The following SGCZ variants were observed in gnomAD, a reference collection of about 807,000 sequenced individuals.
The protein encoded by SGCZ is sarcoglycan zeta, also known as zeta-sarcoglycan.
Under a neutral mutation model 41.3 loss-of-function variants are expected in SGCZ, and 40 were observed. The observed-to-expected ratio is 0.97, with a 90% CI of 0.75 to 1.26. The LOEUF is 1.26. Ranked by LOEUF, SGCZ falls within the 50% of genes most tolerant of loss-of-function variation. SGCZ has a pLI of 0.00. For synonymous variants in SGCZ, 206 were observed against 137.5 expected, an observed-to-expected ratio of 1.50 and a Z score of -3.49; for missense variants, 552 against 369.8, an observed-to-expected ratio of 1.49 and a Z score of -4.04.
At chr8:14,108,598 C>G (rs1207388076) in intron 5 of SGCZ, among the ~76,000 whole-genome samples, 4 of 151,964 alleles carry the variant, frequency 2.6e-5, no homozygotes, top group African/African-American at 7.3e-5. Context: ...ATGGGGGAAA[C>G]CACCTCCATG....
At chr8:15,183,188 C>A (rs268365) in intron 1 of SGCZ, among the ~76,000 whole-genome samples, 58,216 of 152,064 alleles carry the variant, frequency 0.38, 11,997 homozygotes, top group African/African-American at 0.52. Context: ...AGATTACACT[C>A]TAAAGTATGC....
intron 1 of SGCZ, among the ~76,000 whole-genome samples, chr8:15,165,233 G>C (rs982288187): frequency 6.6e-6 from 1 of 152,154 alleles, no homozygotes; most frequent in Non-Finnish European, 1.5e-5. Flanking sequence ...GTTGCAGTGA[G>C]CCGAGATCAC....
At chr8:14,200,280 G>A (rs1466298748) in intron 4 of SGCZ, among the ~76,000 whole-genome samples, 5 of 152,118 alleles carry the variant, frequency 3.3e-5, no homozygotes, top group African/African-American at 4.8e-5. Context: ...TAAGATAATC[G>A]ATTTTCCCTA....
intron 3 of SGCZ, among the ~76,000 whole-genome samples, chr8:14,312,322 G>T (rs1563250757): frequency 6.6e-6 from 1 of 151,772 alleles, no homozygotes; most frequent in African/African-American, 2.4e-5. Context: ...GAGTTTTGGG[G>T]AAAAAAAGTA....
At chr8:14,444,520 G>A (rs1800373026) in intron 2 of SGCZ, among the ~76,000 whole-genome samples, 1 of 152,036 alleles carries the variant, frequency 6.6e-6, no homozygotes, top group African/African-American at 2.4e-5. Flanking sequence ...TAGGAACATG[G>A]ATGAAATTGG....
intron 1 of SGCZ, among the ~76,000 whole-genome samples, chr8:14,706,550 C>T (rs1385502047): frequency 6.6e-6 from 1 of 152,028 alleles, no homozygotes; most frequent in Non-Finnish European, 1.5e-5. Context: ...TTGAATAGGA[C>T]ATTAGAGTTT....
chr8:14,493,359 C>CTTTTTTTTTTTT lies in SGCZ; in HGVS notation c.234+61361_234+61372dup, dbSNP rs57898016. On this transcript the variant is annotated intron_variant, in intron 2 of 7. Transcript: ENST00000382080. ...CATACTTTTCCCACTATCATCCTTTCTTTTTTTTTTTTTTTTTTTTTTTTT... is the reference window on the plus strand; with the variant it reads ...CATACTTTTCCCACTATCATCCTTTCTTTTTTTTTTTTTTTTTTTTTTTTTTTTTTTTTTTTT... Among the ~76,000 whole-genome samples, 213 of 44,268 alleles carry CTTTTTTTTTTTT rather than the reference C, an allele frequency of 4.8e-3. 23 individuals are homozygous for CTTTTTTTTTTTT. Among genetic ancestry groups the CTTTTTTTTTTTT allele is most frequent in the Non-Finnish European group, 5.5e-3 (130 of 23,706 alleles). The allele number at this position is 44,268 out of a possible 152,430, so 29.0% of individuals were successfully genotyped here.
intron 5 of SGCZ, among the ~76,000 whole-genome samples, chr8:14,134,477 A>G (rs1466501196): frequency 1.3e-5 from 2 of 152,244 alleles, no homozygotes; most frequent in Non-Finnish European, 2.9e-5. Flanking sequence ...TATATGTGTC[A>G]TTCAAATTAA....
chr8:14,162,554 C>T (rs1304902371), intron 5 of SGCZ: 1 of 152,286 alleles, frequency 6.6e-6, no homozygotes, highest in Non-Finnish European at 1.5e-5. Context: ...CTCTCTTTCT[C>T]TCTCTTTGTC....
At chr8:15,228,642 G>T (rs1406741451) in intron 1 of SGCZ, among the ~76,000 whole-genome samples, 1 of 152,130 alleles carries the variant, frequency 6.6e-6, no homozygotes, top group Non-Finnish European at 1.5e-5. Context: ...AGAAATACAG[G>T]TGATGATTCA....
At chr8:15,220,810 A>C (rs1801570091) in intron 1 of SGCZ, among the ~76,000 whole-genome samples, 1 of 152,216 alleles carries the variant, frequency 6.6e-6, no homozygotes, top group South Asian at 2.1e-4. Flanking sequence ...TGGCACATAT[A>C]CACCACGGAA....
chr8:14,348,524 G>A (rs1802971211), intron 2 of SGCZ, among the ~76,000 whole-genome samples: 1 of 152,114 alleles, frequency 6.6e-6, no homozygotes, highest in Admixed American at 6.6e-5. Flanking sequence ...GATTGAAATG[G>A]TTTTGAATAT....
At chr8:14,136,935 T>G (rs1333913332) in intron 5 of SGCZ, among the ~76,000 whole-genome samples, 1 of 152,168 alleles carries the variant, frequency 6.6e-6, no homozygotes. Context: ...GGTGCCCCTC[T>G]GAGACGAAGC....
intron 1 of SGCZ, among the ~76,000 whole-genome samples, chr8:15,025,021 T>A (rs983717099): frequency 2.0e-5 from 3 of 151,920 alleles, no homozygotes; most frequent in East Asian, 1.9e-4. Flanking sequence ...AGCAAAGATT[T>A]CAGCAAAAGT....
At chr8:14,557,911 G>A (rs559668333) in intron 1 of SGCZ, among the ~76,000 whole-genome samples, 11 of 152,124 alleles carry the variant, frequency 7.2e-5, no homozygotes, top group African/African-American at 2.6e-4. Context: ...AAAATTGATA[G>A]GCCATTAGCA....
rs573673483 is a variant in SGCZ at position 14,652,264 on chromosome 8, C to A, written c.40-97338G>T. ...GCTGAGGCAGGAGAATTGCTTGAACCCGGGAGGTGGAGGTTGCGGTGAGCC... is the reference window on the plus strand; with the variant it reads ...GCTGAGGCAGGAGAATTGCTTGAACACGGGAGGTGGAGGTTGCGGTGAGCC... On this transcript the variant is annotated intron_variant, in intron 1 of 7. Transcript: ENST00000382080. Among the ~76,000 whole-genome samples the A allele has an allele frequency of 2.3e-5, 3 of 130,200 alleles. No homozygotes were observed. In the East Asian group the frequency reaches 7.3e-4, roughly 32 times the overall value. The allele number at this position is 130,200 out of a possible 152,430, so 85.4% of individuals were successfully genotyped here. A position where few individuals can be genotyped will look rare whatever the true frequency, so the allele number is the denominator to read the frequency against.
At chr8:14,168,545 A>G (rs1403932228) in intron 4 of SGCZ, among the ~76,000 whole-genome samples, 1 of 152,068 alleles carries the variant, frequency 6.6e-6, no homozygotes, top group African/African-American at 2.4e-5. Flanking sequence ...ACAAGCTCTT[A>G]TCTTCCCGGC....
intron 1 of SGCZ, among the ~76,000 whole-genome samples, chr8:14,649,827 CA>C (rs1490766307): frequency 6.6e-6 from 1 of 152,014 alleles, no homozygotes; most frequent in African/African-American, 2.4e-5. Context: ...CAAGGCAGGG[CA>C]AAGGCACACA....
intron 1 of SGCZ, among the ~76,000 whole-genome samples, chr8:14,618,973 T>A (rs1563157253): frequency 6.6e-6 from 1 of 152,134 alleles, no homozygotes; most frequent in African/African-American, 2.4e-5. Flanking sequence ...CGAAGAAATC[T>A]AGTTTTCTCT....
Sources: gnomAD v4.1 joint callset for allele counts (sites outside exome capture counted in the v4.1 genomes callset) on GRCh38, gnomAD v4.1.1 for gene constraint, MANE v1.5 for transcripts, NCBI Gene and HGNC (gene_info 2026-07-23, HGNC 2026-07-21) for gene names.